Variants in ENTREP2 observed in about 807,000 individuals in gnomAD.
ENTREP2 encodes protein ENTREP2.
chr15:29,357,223 A>AT, the ENTREP2 span, among the ~76,000 whole-genome samples: 2 of 152,188 alleles, frequency 1.3e-5, no homozygotes, highest in Non-Finnish European at 2.9e-5. Flanking sequence ...AACACTTCTG[A>AT]TTCTGTAGGG....
At chr15:29,327,858 T>C in the ENTREP2 span, among the ~76,000 whole-genome samples, 2 of 152,204 alleles carry the variant, frequency 1.3e-5, no homozygotes, top group Non-Finnish European at 2.9e-5. Context: ...CTTATAGGAA[T>C]GTAAAACAGC....
chr15:29,234,117 A>G, the ENTREP2 span: 10 of 1,531,178 alleles, frequency 6.5e-6, 1 homozygote, highest in South Asian at 5.6e-5. Context: ...CTCTGCATCA[A>G]TGACACATTG....
chr15:29,411,921 C>A, the ENTREP2 span, among the ~76,000 whole-genome samples: 1 of 152,168 alleles, frequency 6.6e-6, no homozygotes. Context: ...CAGGCTCTAT[C>A]TTATGTTTTG....
the ENTREP2 span, among the ~76,000 whole-genome samples, chr15:29,384,388 G>C: frequency 0.14 from 21,750 of 151,966 alleles, 2,792 homozygotes; most frequent in African/African-American, 0.34. Context: ...TCATCTCTCT[G>C]CCCTCTGCCG....
chr15:29,242,411 A>G, the ENTREP2 span, among the ~76,000 whole-genome samples: 1 of 152,212 alleles, frequency 6.6e-6, no homozygotes, highest in East Asian at 1.9e-4. Context: ...TTTTTTAAAA[A>G]TCCATTTTTT....
the ENTREP2 span, among the ~76,000 whole-genome samples, chr15:29,564,611 T>C: frequency 6.6e-6 from 1 of 152,166 alleles, no homozygotes; most frequent in Non-Finnish European, 1.5e-5. Context: ...GGGAGCCCCT[T>C]TCCAGTTTTG....
the ENTREP2 span, among the ~76,000 whole-genome samples, chr15:29,175,271 G>A: frequency 1.3e-5 from 2 of 152,158 alleles, no homozygotes; most frequent in South Asian, 4.1e-4. Flanking sequence ...AATGATACGT[G>A]TACCTCACCG....
At chr15:29,135,070 G>A in the ENTREP2 span, among the ~76,000 whole-genome samples, 1 of 151,946 alleles carries the variant, frequency 6.6e-6, no homozygotes, top group Non-Finnish European at 1.5e-5. The surrounding 1 kb of genome is among the most constrained non-coding windows in gnomAD (Gnocchi z 7.4). Flanking sequence ...GCTGTCATCT[G>A]CTCTCCTCTG....
the ENTREP2 span, among the ~76,000 whole-genome samples, chr15:29,344,076 G>T: frequency 1.3e-5 from 2 of 152,062 alleles, no homozygotes; most frequent in Non-Finnish European, 2.9e-5. Context: ...TTGATACAAG[G>T]TTTAACTCTC....
the ENTREP2 span, among the ~76,000 whole-genome samples, chr15:29,331,293 G>C: frequency 6.6e-6 from 1 of 152,166 alleles, no homozygotes; most frequent in Non-Finnish European, 1.5e-5. Context: ...CGGGAGGAGG[G>C]AAAAGCACAA....
chr15:29,645,681 C>G, the ENTREP2 span, among the ~76,000 whole-genome samples: 1 of 152,182 alleles, frequency 6.6e-6, no homozygotes, highest in Non-Finnish European at 1.5e-5. Flanking sequence ...GCCTCAGCTT[C>G]CCAAGTAGCT....
the ENTREP2 span, among the ~76,000 whole-genome samples, chr15:29,282,562 T>A: frequency 6.6e-6 from 1 of 152,090 alleles, no homozygotes; most frequent in Admixed American, 6.5e-5. Flanking sequence ...TACCACAAGC[T>A]CCCTAGCACT....
the ENTREP2 span, among the ~76,000 whole-genome samples, chr15:29,264,154 C>CTAAAAAAAAAAAAAAAA: frequency 1.4e-5 from 1 of 69,064 alleles, no homozygotes; most frequent in Non-Finnish European, 2.5e-5. Flanking sequence ...GACTCCGTCT[C>CTAAAAAAAAAAAAAAAA]AAAAAAAAAA....
chr15:29,463,522 T>C, the ENTREP2 span, among the ~76,000 whole-genome samples: 1 of 90,086 alleles, frequency 1.1e-5, no homozygotes, highest in Non-Finnish European at 2.6e-5. Context: ...AGCAAAACTT[T>C]AAAAATGCAC....
At chr15:29,210,661 C>A in the ENTREP2 span, among the ~76,000 whole-genome samples, 2 of 152,288 alleles carry the variant, frequency 1.3e-5, no homozygotes, top group African/African-American at 4.8e-5. Flanking sequence ...GAAAAATTGT[C>A]TTCCACAAAA....
At chr15:29,130,005 A>G in the ENTREP2 span, among the ~76,000 whole-genome samples, 2 of 152,110 alleles carry the variant, frequency 1.3e-5, no homozygotes, top group African/African-American at 2.4e-5. Flanking sequence ...AGCTCAGGTA[A>G]TTACATTTCT....
the ENTREP2 span, among the ~76,000 whole-genome samples, chr15:29,193,997 T>C: frequency 6.6e-6 from 1 of 152,126 alleles, no homozygotes; most frequent in Admixed American, 6.5e-5. Flanking sequence ...GAAGTATGAC[T>C]TAAATAAATG....
chr15:29,317,429 A>G, the ENTREP2 span, among the ~76,000 whole-genome samples: 2 of 152,224 alleles, frequency 1.3e-5, no homozygotes, highest in African/African-American at 4.8e-5. Flanking sequence ...TAATTTTAAA[A>G]TGAAGAAATA....
the ENTREP2 span, among the ~76,000 whole-genome samples, chr15:29,185,443 C>T: frequency 6.6e-6 from 1 of 152,210 alleles, no homozygotes; most frequent in East Asian, 1.9e-4. Context: ...TGGCACACAA[C>T]GAAGGGCACC....
Sources: gnomAD v4.1 joint callset for allele counts (sites outside exome capture counted in the v4.1 genomes callset) on GRCh38, gnomAD v4.1.1 for gene constraint, Gnocchi (gnomAD v3.1) non-coding constraint, MANE v1.5 for transcripts, NCBI Gene and HGNC (gene_info 2026-07-23, HGNC 2026-07-21) for gene names.